The following MACROD2 variants were observed in gnomAD, a reference collection of about 807,000 sequenced individuals.
The protein encoded by MACROD2 is ADP-ribose glycohydrolase MACROD2.
MACROD2 carries 36 observed loss-of-function variants against 70.4 expected under a neutral mutation model. The observed-to-expected ratio is 0.51, with a 90% CI of 0.39 to 0.68. The LOEUF (loss-of-function observed/expected upper bound fraction) is 0.68. Among genes scored for constraint, MACROD2 ranks in the 30% least tolerant of loss-of-function variants. The probability of loss-of-function intolerance (pLI) is 0.00; values close to 1 mark genes in which losing one functional copy is unlikely to be tolerated. For missense variants in MACROD2, 496 were observed against 538.4 expected (o/e 0.92, Z 0.78); for synonymous variants, 172 against 178.8 (o/e 0.96, Z 0.30).
chr20:15,572,239 G>C (rs2048385911), intron 8 of MACROD2, among the ~76,000 whole-genome samples: 1 of 152,014 alleles, frequency 6.6e-6, no homozygotes, highest in African/African-American at 2.4e-5. Context: ...ATGAACACTT[G>C]CCAAGCCCTC....
chr20:15,429,025 C>T (rs1410672852), intron 6 of MACROD2, among the ~76,000 whole-genome samples: 3 of 152,134 alleles, frequency 2.0e-5, no homozygotes, highest in Non-Finnish European at 4.4e-5. Flanking sequence ...TGGAACATGA[C>T]TGGCATGGCA....
intron 8 of MACROD2, among the ~76,000 whole-genome samples, chr20:15,536,819 AATTTGAT>A (rs755208180): frequency 2.0e-4 from 31 of 152,146 alleles, no homozygotes; most frequent in Non-Finnish European, 4.0e-4. Context: ...ATTTTTATAA[AATTTGAT>A]AAAAAGAAAC....
chr20:15,542,854 T>C (rs1352021126), intron 8 of MACROD2, among the ~76,000 whole-genome samples: 1 of 152,144 alleles, frequency 6.6e-6, no homozygotes, highest in Non-Finnish European at 1.5e-5. Context: ...TAGGACTTGA[T>C]ATTGGAGATC....
intron 3 of MACROD2, among the ~76,000 whole-genome samples, chr20:14,322,590 G>C (rs1346990027): frequency 6.6e-6 from 1 of 151,958 alleles, no homozygotes; most frequent in Non-Finnish European, 1.5e-5. Context: ...CTTTTAAGTT[G>C]TCCCTCGAAA....
At chr20:14,900,788 A>C (rs112908337) in intron 5 of MACROD2, among the ~76,000 whole-genome samples, 1 of 150,602 alleles carries the variant, frequency 6.6e-6, no homozygotes, top group Non-Finnish European at 1.5e-5. Context: ...TTGTTATTCT[A>C]TTCTCTATTT....
At chr20:15,014,697 G>C (rs11905979) in intron 5 of MACROD2, among the ~76,000 whole-genome samples, 1 of 151,942 alleles carries the variant, frequency 6.6e-6, no homozygotes, top group South Asian at 2.1e-4. Flanking sequence ...GCATTGCATA[G>C]TCACACATTC....
At chr20:15,617,450 C>T (rs539417868) in intron 8 of MACROD2, among the ~76,000 whole-genome samples, 193 of 152,308 alleles carry the variant, frequency 1.3e-3, no homozygotes, top group African/African-American at 4.5e-3. Flanking sequence ...AGATTGAAAA[C>T]TCATCCAACA....
At chr20:15,051,476 G>T (rs1019954944) in intron 5 of MACROD2, among the ~76,000 whole-genome samples, 1 of 151,752 alleles carries the variant, frequency 6.6e-6, no homozygotes. Flanking sequence ...GCAGGACAGC[G>T]GGAAACACCC....
At chr20:14,514,037 AT>A (rs1357854366) in intron 4 of MACROD2, among the ~76,000 whole-genome samples, 14 of 152,086 alleles carry the variant, frequency 9.2e-5, no homozygotes, top group African/African-American at 3.1e-4. Flanking sequence ...TTTCTAAATG[AT>A]TTAAGGCTTC....
intron 4 of MACROD2, among the ~76,000 whole-genome samples, chr20:14,557,662 A>G (rs1417796080): frequency 2.0e-5 from 3 of 151,850 alleles, no homozygotes; most frequent in Non-Finnish European, 4.4e-5. Flanking sequence ...TGTAAATCAA[A>G]ACCACAATGA....
rs561961532 is a variant in MACROD2, at chr20:15,922,621, C to T, written c.776-10655C>T. Among the ~76,000 whole-genome samples, 6 of 152,332 alleles carry T rather than the reference C, an allele frequency of 3.9e-5. No individual in the cohort carries two copies. The East Asian group carries it at 7.7e-4, about 20-fold the overall frequency. On this transcript the variant is annotated intron_variant, in intron 10 of 17. Coordinates refer to ENST00000684519, the MANE Select transcript of MACROD2 (RefSeq NM_001351661.2). ...AAAAATACTCAGTGACAAAAGTCTCCGCTGGGGCAGTGCCTCCCCTGAGCA... is the reference window on the plus strand; with the variant it reads ...AAAAATACTCAGTGACAAAAGTCTCTGCTGGGGCAGTGCCTCCCCTGAGCA...
intron 6 of MACROD2, among the ~76,000 whole-genome samples, chr20:15,324,365 C>T (rs548309154): frequency 6.6e-6 from 1 of 152,274 alleles, no homozygotes; most frequent in East Asian, 1.9e-4. Flanking sequence ...AAGTTTACAT[C>T]TTATCTCCTC....
intron 3 of MACROD2, among the ~76,000 whole-genome samples, chr20:14,207,294 G>A (rs556795105): frequency 6.6e-6 from 1 of 152,038 alleles, no homozygotes; most frequent in Non-Finnish European, 1.5e-5. Flanking sequence ...TAGAGACGGG[G>A]TTTCACCATG....
At chr20:14,858,906 G>A (rs1600731169) in intron 5 of MACROD2, among the ~76,000 whole-genome samples, 1 of 152,212 alleles carries the variant, frequency 6.6e-6, no homozygotes, top group East Asian at 1.9e-4. Context: ...TTTTGATTTA[G>A]GGGAAAAGAG....
intron 3 of MACROD2, among the ~76,000 whole-genome samples, chr20:14,211,980 C>G (rs2081575270): frequency 6.6e-6 from 1 of 152,134 alleles, no homozygotes; most frequent in Admixed American, 6.6e-5. Flanking sequence ...CTACTTACTT[C>G]TCAGACCCTA....
chr20:15,327,873 TG>T (rs369451685), intron 6 of MACROD2, among the ~76,000 whole-genome samples: 85 of 152,222 alleles, frequency 5.6e-4, no homozygotes, highest in African/African-American at 2.0e-3. Context: ...AATAGATTTT[TG>T]CTTCTACTAT....
intron 5 of MACROD2, among the ~76,000 whole-genome samples, chr20:15,190,379 C>T (rs1336671660): frequency 6.6e-6 from 1 of 152,118 alleles, no homozygotes; most frequent in Non-Finnish European, 1.5e-5. Context: ...GTGCTCATCC[C>T]ATATTCATAG....
At chr20:15,671,956 A>G (rs766799520) in intron 8 of MACROD2, among the ~76,000 whole-genome samples, 6 of 152,202 alleles carry the variant, frequency 3.9e-5, no homozygotes, top group Non-Finnish European at 8.8e-5. Flanking sequence ...GAGCACAACA[A>G]TATTTTGTAA....
chr20:15,801,576 C>A (rs909051724), intron 8 of MACROD2, among the ~76,000 whole-genome samples: 1 of 151,804 alleles, frequency 6.6e-6, no homozygotes, highest in African/African-American at 2.4e-5. Context: ...GTTTTTATAC[C>A]AGTACCATGG....
Sources: allele counts gnomAD v4.1 joint callset (sites outside exome capture counted in the v4.1 genomes callset), GRCh38; gene constraint gnomAD v4.1.1; transcripts MANE v1.5; gene names NCBI Gene and HGNC (gene_info 2026-07-23, HGNC 2026-07-21).